The following ZFP64 variants were observed in gnomAD, a reference collection of about 807,000 sequenced individuals.
ZFP64 encodes ZFP64 zinc finger protein.
Under a neutral mutation model 51.6 loss-of-function variants are expected in ZFP64, and 14 were observed. The observed-to-expected ratio is 0.27, with a 90% CI of 0.18 to 0.42. The LOEUF (loss-of-function observed/expected upper bound fraction) is 0.42. Ranked by LOEUF, ZFP64 falls within the 10% of genes least tolerant of loss-of-function variation. ZFP64 has a pLI of 1.00. For missense variants in ZFP64, 754 were observed against 906.8 expected (o/e 0.83, Z 2.16); for synonymous variants, 375 against 361.4 (o/e 1.04, Z -0.43).
At chr20:52,167,193 C>T (rs1219281826) in intron 2 of ZFP64, among the ~76,000 whole-genome samples, 5 of 151,820 alleles carry the variant, frequency 3.3e-5, no homozygotes, top group East Asian at 3.9e-4. Flanking sequence ...GGCATGGTGG[C>T]GGGCACCTGA....
At chr20:52,168,808 A>G (rs1389883420) in intron 2 of ZFP64, among the ~76,000 whole-genome samples, 2 of 152,248 alleles carry the variant, frequency 1.3e-5, no homozygotes, top group Non-Finnish European at 2.9e-5. Context: ...TTGCTTCATC[A>G]TGCAATATCT....
At chr20:52,091,668 G>A (rs2078928413) in intron 7 of ZFP64, among the ~76,000 whole-genome samples, 1 of 151,810 alleles carries the variant, frequency 6.6e-6, no homozygotes, top group Non-Finnish European at 1.5e-5. Flanking sequence ...ACAAACTCCA[G>A]AAACAGATAA....
At chr20:52,169,579 G>C (rs759674155) in intron 2 of ZFP64, among the ~76,000 whole-genome samples, 7 of 152,164 alleles carry the variant, frequency 4.6e-5, no homozygotes, top group Non-Finnish European at 8.8e-5. Flanking sequence ...CCAGAGATTG[G>C]CTGGGCTCCA....
At chr20:52,169,658 T>A (rs75571707) in intron 2 of ZFP64, among the ~76,000 whole-genome samples, 9,556 of 152,260 alleles carry the variant, frequency 0.063, 330 homozygotes, top group Middle Eastern at 0.11. Context: ...GTATTTTGGA[T>A]ATCAACCCCT....
intron 5 of ZFP64, among the ~76,000 whole-genome samples, chr20:52,128,562 G>A (rs1034873116): frequency 2.0e-5 from 3 of 152,204 alleles, no homozygotes; most frequent in Admixed American, 6.5e-5. Flanking sequence ...TAAACTGCTA[G>A]GTGGAAAAAG....
intron 5 of ZFP64, among the ~76,000 whole-genome samples, chr20:52,142,393 C>CGT (rs1980313599): frequency 9.3e-6 from 1 of 107,914 alleles, no homozygotes; most frequent in African/African-American, 3.0e-5. Flanking sequence ...CACACACACA[C>CGT]ACACACACAC....
intron 5 of ZFP64, among the ~76,000 whole-genome samples, chr20:52,119,110 A>C (rs1568663342): frequency 1.3e-5 from 2 of 152,142 alleles, no homozygotes; most frequent in Admixed American, 6.6e-5. Context: ...ATGCCATTGC[A>C]TTCCAGCCTG....
intron 5 of ZFP64, among the ~76,000 whole-genome samples, chr20:52,141,427 T>G (rs1465807269): frequency 1.3e-5 from 2 of 152,328 alleles, no homozygotes; most frequent in African/African-American, 4.8e-5. Context: ...AGATCATTCA[T>G]GATTCTTGGG....
chr20:52,110,114 G>A (rs534620983), intron 5 of ZFP64, among the ~76,000 whole-genome samples: 2 of 152,098 alleles, frequency 1.3e-5, no homozygotes, highest in South Asian at 4.2e-4. Flanking sequence ...CCTTCTGAGG[G>A]GTCATTTCAC....
At chr20:52,105,258 C>T in intron 5 of ZFP64, 2 of 1,329,250 alleles carry the variant, frequency 1.5e-6, no homozygotes, top group Non-Finnish European at 1.9e-6. Context: ...CCGGGCTCCC[C>T]GCGCGTCCCT....
intron 7 of ZFP64, among the ~76,000 whole-genome samples, chr20:52,096,134 ATC>A (rs1237039275): frequency 2.6e-5 from 4 of 152,150 alleles, no homozygotes; most frequent in African/African-American, 7.2e-5. Context: ...TTGTCCAGAA[ATC>A]TCTGTCCTCT....
chr20:52,128,680 A>C (rs1979561783), intron 5 of ZFP64, among the ~76,000 whole-genome samples: 1 of 152,104 alleles, frequency 6.6e-6, no homozygotes, highest in South Asian at 2.1e-4. Context: ...CCACCACTGG[A>C]GGGCAGCATT....
chr20:52,136,241 G>T (rs1474442697), intron 5 of ZFP64, among the ~76,000 whole-genome samples: 1 of 151,456 alleles, frequency 6.6e-6, no homozygotes, highest in Admixed American at 6.6e-5. Context: ...ACCTAAGAAC[G>T]CGCAGAGAAA....
chr20:52,132,966 T>C (rs1195602351), intron 5 of ZFP64, among the ~76,000 whole-genome samples: 1 of 152,032 alleles, frequency 6.6e-6, no homozygotes, highest in African/African-American at 2.4e-5. Flanking sequence ...CTCAACAAAA[T>C]ACTAGCAAAC....
intron 5 of ZFP64, among the ~76,000 whole-genome samples, chr20:52,099,351 G>C (rs141873695): frequency 5.9e-5 from 9 of 151,858 alleles, no homozygotes; most frequent in African/African-American, 2.2e-4. Flanking sequence ...GCTTACTCTG[G>C]ATTTCTGATT....
At chr20:52,107,658 A>G (rs1311734409) in intron 5 of ZFP64, among the ~76,000 whole-genome samples, 2 of 152,212 alleles carry the variant, frequency 1.3e-5, no homozygotes, top group Non-Finnish European at 2.9e-5. Context: ...TTTTCACTTA[A>G]TATTATTTTG....
intron 5 of ZFP64, among the ~76,000 whole-genome samples, chr20:52,127,394 G>A (rs910361652): frequency 4.6e-5 from 7 of 151,876 alleles, no homozygotes; most frequent in African/African-American, 1.5e-4. Context: ...TAATCCCCAC[G>A]TGTCAAGGGA....
Position 52,086,627 on chromosome 20 carries a change from G to A in ZFP64, c.1229-1361C>T, listed in dbSNP as rs188797253. Reference sequence around the variant, plus strand: ...CGAGTAGCTGGGACTACAGGTGCCCGCCACCACGCCCAGCTAATTTTTTTG... The same window carrying A: ...CGAGTAGCTGGGACTACAGGTGCCCACCACCACGCCCAGCTAATTTTTTTG... On this transcript the variant is annotated intron_variant, in intron 8 of 8. Coordinates refer to the ZFP64 transcript ENST00000361387. 9.0e-3 allele frequency among the ~76,000 whole-genome samples: 1,375 copies of A among 151,950 alleles called. 14 individuals are homozygous for A. The highest frequency in any genetic ancestry group is 0.032 in the African/African-American group (1,308 of 41,426).
At chr20:52,089,834 CT>C (rs2078903940) in intron 7 of ZFP64, among the ~76,000 whole-genome samples, 1 of 151,832 alleles carries the variant, frequency 6.6e-6, no homozygotes, top group South Asian at 2.1e-4. Flanking sequence ...TAAAAATGCA[CT>C]ATTCAAATGT....
Sources: allele counts gnomAD v4.1 joint callset (sites outside exome capture counted in the v4.1 genomes callset), GRCh38; gene constraint gnomAD v4.1.1; transcripts MANE v1.5; gene names NCBI Gene and HGNC (gene_info 2026-07-23, HGNC 2026-07-21).